Variants in ITPKB observed in about 807,000 individuals in gnomAD.
ITPKB encodes the protein IP3 3-kinase B.
A neutral mutation model predicts 69.4 loss-of-function variants in ITPKB; 13 were observed. The ratio of observed to expected loss-of-function variants is 0.19; its 90% CI spans 0.12 to 0.30. ITPKB has a LOEUF of 0.30. Among genes scored for constraint, ITPKB ranks in the 10% least tolerant of loss-of-function variants. The pLI, the probability that ITPKB is intolerant of heterozygous loss-of-function variation, is 1.00. For synonymous variants in ITPKB, 584 were observed against 513.7 expected (o/e 1.14, Z -1.85); for missense variants, 1,240 against 1,250.5 (o/e 0.99, Z 0.13).
chr1:226,721,461 CT>C (rs1657241412), intron 2 of ITPKB, among the ~76,000 whole-genome samples: 1 of 151,832 alleles, frequency 6.6e-6, no homozygotes, highest in Admixed American at 6.5e-5. Flanking sequence ...CTTATGTTCC[CT>C]TTTATGACAT....
At chr1:226,687,014 G>A (rs547101767) in intron 2 of ITPKB, among the ~76,000 whole-genome samples, 2 of 152,364 alleles carry the variant, frequency 1.3e-5, no homozygotes, top group South Asian at 4.1e-4. Flanking sequence ...CCTCCAGGGA[G>A]TAACATCACC....
intron 7 of ITPKB, among the ~76,000 whole-genome samples, chr1:226,635,672 G>C (rs186601785): frequency 6.6e-6 from 1 of 152,340 alleles, no homozygotes; most frequent in East Asian, 1.9e-4. Context: ...CGGGGCGGGG[G>C]TGGTGAAGAA....
chr1:226,668,987 T>TGA (rs1326444338), intron 2 of ITPKB: 1 of 152,248 alleles, frequency 6.6e-6, no homozygotes, highest in Non-Finnish European at 1.5e-5. Flanking sequence ...ATTGCTGGCA[T>TGA]CATATACACA....
chr1:226,677,189 T>C (rs1669749859), intron 2 of ITPKB, among the ~76,000 whole-genome samples: 2 of 152,244 alleles, frequency 1.3e-5, no homozygotes, highest in African/African-American at 4.8e-5. Flanking sequence ...CAAAGACTTA[T>C]TCTGCTCACA....
Position 226,696,709 on chromosome 1 carries a change from C to T in ITPKB, c.1932+38818G>A, listed in dbSNP as rs140761973. On this transcript the variant is annotated intron_variant, in intron 2 of 7. Transcript: ENST00000429204. Reference sequence around the variant, plus strand: ...GGAAATACGCACACGCGCACACACACACACGCAGTCTTTACATCTGGTTAG... The same window carrying T: ...GGAAATACGCACACGCGCACACACATACACGCAGTCTTTACATCTGGTTAG... Among the ~76,000 whole-genome samples, 242 of 152,338 alleles carry T rather than the reference C, an allele frequency of 1.6e-3. 1 individual carries two copies. Among genetic ancestry groups the T allele is most frequent in the Non-Finnish European group, 2.3e-3 (159 of 68,038 alleles).
At chr1:226,660,961 T>C (rs987693027) in intron 2 of ITPKB, among the ~76,000 whole-genome samples, 90 of 152,372 alleles carry the variant, frequency 5.9e-4, no homozygotes, top group African/African-American at 2.1e-3. Context: ...CCCAGAGATT[T>C]TATTTTTACT....
At position 226,736,091 on chromosome 1, in the gene ITPKB, G is replaced by C. The variant is rs752409559; in HGVS notation, c.1368C>G (p.Ser456Arg). The C allele has an allele frequency of 4.3e-6, 7 of 1,609,422 alleles. No homozygotes were observed. Among genetic ancestry groups the C allele is most frequent in the African/African-American group, 4.0e-5 (3 of 74,996 alleles). Residue 456 changes from serine (S) to arginine (R), a missense_variant, in exon 2 of 8, where the codon AGC becomes AGG. This residue lies in a region of ITPKB where 992 missense variants were observed against 853.8 expected (regional missense o/e 1.16). Transcript: ENST00000429204. Reference protein sequence around the residue: ...GSPTLGLLGGSPSAQPGTGNV... With the variant: ...GSPTLGLLGGRPSAQPGTGNV... ...TCCCGGTCCCCGGCTGTGCTGAGGG[G>C]CTGCCCCCAAGCAAGCCCAGCGTTG...
intron 2 of ITPKB, among the ~76,000 whole-genome samples, chr1:226,696,908 A>T (rs1485703726): frequency 6.6e-6 from 1 of 152,082 alleles, no homozygotes; most frequent in Non-Finnish European, 1.5e-5. Context: ...CCCAGGAAAA[A>T]ACCCAGCACA....
rs1488847585 is a variant in ITPKB, at chr1:226,737,228, G to A, written c.231C>T (p.Ser77=). 1 of 1,563,272 alleles carries A rather than the reference G, an allele frequency of 6.4e-7. No individual in the cohort carries two copies. The highest frequency in any genetic ancestry group is 1.4e-5 in the African/African-American group (1 of 73,916). ...TGCTACTATTCAGCCTGCGCCGGCC[G>A]CTCCGCCAGCCCCCGGGGCTCCGGG... The part of the protein sequence containing the change: ...EEPRSPGGWR[S]GRRRLNSSSG... Residue 77 remains serine (S), a synonymous_variant, in exon 2 of 8, where the codon AGC becomes AGT. Coordinates refer to ENST00000429204, the MANE Select transcript of ITPKB (RefSeq NM_002221.4).
chr1:226,731,940 C>T (rs1450531354), intron 2 of ITPKB, among the ~76,000 whole-genome samples: 1 of 151,784 alleles, frequency 6.6e-6, no homozygotes, highest in African/African-American at 2.4e-5. Context: ...TTTTAAAGTG[C>T]CCCTCTAGGC....
chr1:226,657,637 G>A (rs1571843807), intron 2 of ITPKB, among the ~76,000 whole-genome samples: 1 of 152,212 alleles, frequency 6.6e-6, no homozygotes, highest in Admixed American at 6.5e-5. Flanking sequence ...GTCTAACATA[G>A]TGTTAGATAC....
intron 2 of ITPKB, among the ~76,000 whole-genome samples, chr1:226,714,384 TC>T (rs1347219347): frequency 6.6e-6 from 1 of 152,206 alleles, no homozygotes. Flanking sequence ...TGCTGCCAAT[TC>T]TGGGGCTGTT....
chr1:226,652,044 C>T (rs1669205310), intron 2 of ITPKB, among the ~76,000 whole-genome samples: 1 of 152,242 alleles, frequency 6.6e-6, no homozygotes, highest in Non-Finnish European at 1.5e-5. Flanking sequence ...GACCTCTTTT[C>T]TCTCTGCCAG....
At chr1:226,704,389 TATC>T (rs1308886988) in intron 2 of ITPKB, among the ~76,000 whole-genome samples, 3 of 152,230 alleles carry the variant, frequency 2.0e-5, no homozygotes, top group African/African-American at 7.2e-5. Flanking sequence ...TGCAACAGGT[TATC>T]ATACCTGGTC....
intron 2 of ITPKB, among the ~76,000 whole-genome samples, chr1:226,667,006 C>G (rs1056108448): frequency 3.9e-5 from 6 of 152,218 alleles, no homozygotes; most frequent in Non-Finnish European, 7.3e-5. Flanking sequence ...GTGCTGGCCC[C>G]TCTGGCTGGA....
Position 226,669,495 on chromosome 1 carries a change from C to T in ITPKB, c.1933-20724G>A, listed in dbSNP as rs189891132. On this transcript the variant is annotated intron_variant, in intron 2 of 7. Transcript: ENST00000429204. Reference sequence around the variant, plus strand: ...GGTCCTAAGAGAACAGAAGGTGAGTCTTCTGGAATAACAAAGCCAACATCA... The same window carrying T: ...GGTCCTAAGAGAACAGAAGGTGAGTTTTCTGGAATAACAAAGCCAACATCA... Among the ~76,000 whole-genome samples, 353 of 152,228 alleles carry T rather than the reference C, an allele frequency of 2.3e-3. 2 individuals carry two copies. Among genetic ancestry groups the T allele is most frequent in the Admixed American group, 5.7e-3 (87 of 15,288 alleles).
intron 2 of ITPKB, among the ~76,000 whole-genome samples, chr1:226,671,424 T>C (rs927852485): frequency 6.6e-6 from 1 of 152,230 alleles, no homozygotes; most frequent in Non-Finnish European, 1.5e-5. Context: ...ATGCTGTTGC[T>C]AATGGATTCA....
intron 2 of ITPKB, among the ~76,000 whole-genome samples, chr1:226,705,637 C>A (rs747610923): frequency 6.6e-6 from 1 of 152,156 alleles, no homozygotes; most frequent in Non-Finnish European, 1.5e-5. Flanking sequence ...CACATACGGG[C>A]CTGAATACCT....
rs532646802 is a variant in ITPKB, at chr1:226,721,109, C to T, written c.1932+14418G>A. Reference sequence around the variant, plus strand: ...CTATAATCCCAGCACTTTGGGAGGCCGAGGTGGGTGGATCACCTGAGGTCG... The same window carrying T: ...CTATAATCCCAGCACTTTGGGAGGCTGAGGTGGGTGGATCACCTGAGGTCG... On this transcript the variant is annotated intron_variant, in intron 2 of 7. Coordinates refer to ENST00000429204, the MANE Select transcript of ITPKB (RefSeq NM_002221.4). Among the ~76,000 whole-genome samples the T allele has an allele frequency of 4.0e-5, 6 of 151,456 alleles. No individual in the cohort carries two copies. In the East Asian group the frequency reaches 1.2e-3, roughly 30 times the overall value.
Sources: allele counts gnomAD v4.1 joint callset (sites outside exome capture counted in the v4.1 genomes callset), GRCh38; gene constraint gnomAD v4.1.1; regional missense constraint gnomAD v4.1.1; transcripts MANE v1.5; gene names NCBI Gene and HGNC (gene_info 2026-07-23, HGNC 2026-07-21).